FBXO34: variants seen among roughly 807,000 people sequenced by gnomAD.
The protein encoded by FBXO34 is F-box protein 34, also known as F-box only protein 34.
Under a neutral mutation model 24.5 loss-of-function variants are expected in FBXO34, and 12 were observed. The observed-to-expected ratio is 0.49, with a 90% CI of 0.31 to 0.79. The LOEUF (loss-of-function observed/expected upper bound fraction) is 0.79, where lower values mean the gene tolerates loss of function less well. Among genes scored for constraint, FBXO34 ranks in the 30% least tolerant of loss-of-function variants. FBXO34 has a pLI of 0.04. For missense variants in FBXO34, 823 were observed against 857.7 expected (o/e 0.96, Z 0.51); for synonymous variants, 320 against 311.9 (o/e 1.03, Z -0.27).
the FBXO34 span, chr14:55,395,009 CA>C: frequency 2.2e-6 from 1 of 462,328 alleles, no homozygotes; most frequent in South Asian, 1.6e-5. Flanking sequence ...TTGTTTTCTG[CA>C]GGTAAATCTT....
At chr14:55,328,393 G>A (rs1883422968) in intron 1 of FBXO34, among the ~76,000 whole-genome samples, 1 of 152,114 alleles carries the variant, frequency 6.6e-6, no homozygotes, top group Non-Finnish European at 1.5e-5. Context: ...GTAAAATAAG[G>A]GTTACCTTAA....
chr14:55,276,945 A>G (rs566116875), intron 1 of FBXO34, among the ~76,000 whole-genome samples: 4 of 152,318 alleles, frequency 2.6e-5, no homozygotes, highest in Admixed American at 2.6e-4. Context: ...TCTCTTAGCT[A>G]AGGGAGAAAC....
At chr14:55,409,816 T>C in the FBXO34 span, among the ~76,000 whole-genome samples, 2 of 152,316 alleles carry the variant, frequency 1.3e-5, no homozygotes, top group African/African-American at 4.8e-5. Flanking sequence ...ACTGGAAGAT[T>C]TGAACAGAAA....
chr14:55,338,928 A>C (rs12100597), intron 1 of FBXO34, among the ~76,000 whole-genome samples: 2,981 of 151,750 alleles, frequency 0.02, 81 homozygotes, highest in African/African-American at 0.068. Context: ...AAACAAAAAA[A>C]AAAAAGCCAA....
the FBXO34 span, chr14:55,428,685 T>C: frequency 9.3e-6 from 10 of 1,078,120 alleles, no homozygotes; most frequent in Non-Finnish European, 1.3e-5. Flanking sequence ...CTTTTCACTA[T>C]TGTGTCCCCC....
the FBXO34 span, among the ~76,000 whole-genome samples, chr14:55,390,651 G>A: frequency 6.6e-5 from 10 of 152,342 alleles, no homozygotes; most frequent in Admixed American, 1.3e-4. Context: ...GATTACAGGC[G>A]TGAGCTACCA....
the FBXO34 span, chr14:55,428,970 C>T: frequency 6.2e-7 from 1 of 1,614,016 alleles, no homozygotes; most frequent in Non-Finnish European, 8.5e-7. Context: ...CGAGACTGCT[C>T]TTCACTGGGG....
At chr14:55,341,695 G>A (rs1232932114) in intron 1 of FBXO34, among the ~76,000 whole-genome samples, 2 of 152,062 alleles carry the variant, frequency 1.3e-5, no homozygotes, top group Admixed American at 1.3e-4. Context: ...TCTGCATTTT[G>A]TTGTTCATTC....
chr14:55,306,794 C>T (rs1293345161), intron 1 of FBXO34, among the ~76,000 whole-genome samples: 1 of 151,848 alleles, frequency 6.6e-6, no homozygotes, highest in Non-Finnish European at 1.5e-5. Context: ...GATTGCATCA[C>T]GGCAGTTCAG....
chr14:55,374,417 GAA>G (rs1884881085), downstream of FBXO34, among the ~76,000 whole-genome samples: 1 of 152,118 alleles, frequency 6.6e-6, no homozygotes, highest in South Asian at 2.1e-4. Flanking sequence ...GTACTGATTT[GAA>G]AGATTTCAGT....
chr14:55,425,734 C>G, the FBXO34 span, among the ~76,000 whole-genome samples: 2 of 152,226 alleles, frequency 1.3e-5, no homozygotes, highest in African/African-American at 2.4e-5. Flanking sequence ...TACCCACCCC[C>G]AATTACATTA....
At chr14:55,399,749 A>C in the FBXO34 span, among the ~76,000 whole-genome samples, 1 of 152,240 alleles carries the variant, frequency 6.6e-6, no homozygotes, top group Non-Finnish European at 1.5e-5. Context: ...ATCTCAAACC[A>C]TGCAAAGGAC....
intron 1 of FBXO34, among the ~76,000 whole-genome samples, chr14:55,306,071 C>T (rs945884094): frequency 1.3e-5 from 2 of 152,226 alleles, no homozygotes; most frequent in Non-Finnish European, 2.9e-5. Flanking sequence ...GTATATAATA[C>T]ATAGTCCTCC....
chr14:55,279,577 C>A (rs573379706), intron 1 of FBXO34, among the ~76,000 whole-genome samples: 1 of 152,152 alleles, frequency 6.6e-6, no homozygotes, highest in African/African-American at 2.4e-5. Flanking sequence ...TATATAAACC[C>A]TTGGAGTATG....
At chr14:55,435,223 T>C in the FBXO34 span, among the ~76,000 whole-genome samples, 1 of 152,186 alleles carries the variant, frequency 6.6e-6, no homozygotes, top group Non-Finnish European at 1.5e-5. Context: ...GCAAAAATTA[T>C]TTCCAGAAAT....
the FBXO34 span, chr14:55,382,205 G>T: frequency 6.2e-7 from 1 of 1,611,918 alleles, no homozygotes; most frequent in South Asian, 1.1e-5. Context: ...CAAGTAGGAA[G>T]ACACACACGG....
intron 1 of FBXO34, among the ~76,000 whole-genome samples, chr14:55,331,761 G>GTA (rs35698574): frequency 0.022 from 673 of 29,988 alleles, 235 homozygotes; most frequent in African/African-American, 0.11. Flanking sequence ...ATATATATAT[G>GTA]TATATATATA....
At chr14:55,411,712 G>A in the FBXO34 span, 4 of 1,612,466 alleles carry the variant, frequency 2.5e-6, no homozygotes, top group South Asian at 2.2e-5. Context: ...CCACAGCCAC[G>A]TACAGCCCCT....
the FBXO34 span, chr14:55,411,688 C>G: frequency 5.8e-5 from 93 of 1,613,026 alleles, no homozygotes; most frequent in Non-Finnish European, 7.7e-5. Context: ...TAGTGTTGCA[C>G]AGCGGGCAGC....
Sources: allele counts gnomAD v4.1 joint callset (sites outside exome capture counted in the v4.1 genomes callset), GRCh38; gene constraint gnomAD v4.1.1; transcripts MANE v1.5; gene names NCBI Gene and HGNC (gene_info 2026-07-23, HGNC 2026-07-21).